The following SEC24A variants were observed in gnomAD, a reference collection of about 807,000 sequenced individuals.
SEC24A encodes protein transport protein Sec24A.
In SEC24A, 93 loss-of-function variants were observed where a neutral mutation model predicts 129.4. The observed-to-expected ratio is 0.72, with a 90% CI of 0.61 to 0.85. The LOEUF is 0.85. Ranked by LOEUF, SEC24A falls within the 40% of genes least tolerant of loss-of-function variation. The pLI, the probability that SEC24A is intolerant of heterozygous loss-of-function variation, is 0.00. For synonymous variants in SEC24A, 460 were observed against 467.3 expected (o/e 0.98, Z 0.20); for missense variants, 1,264 against 1,307.4 (o/e 0.97, Z 0.51).
chr5:134,672,984 C>T (rs1162557305), intron 4 of SEC24A, among the ~76,000 whole-genome samples: 1 of 151,778 alleles, frequency 6.6e-6, no homozygotes, highest in African/African-American at 2.4e-5. Flanking sequence ...TGAAGAGATC[C>T]CTCCTGCCTT....
intron 18 of SEC24A, among the ~76,000 whole-genome samples, chr5:134,712,926 ATTTTTT>A (rs754704811): frequency 1.9e-5 from 2 of 102,744 alleles, no homozygotes; most frequent in Non-Finnish European, 3.6e-5. Context: ...AAATATTTAA[ATTTTTT>A]TTTTTTTTTT....
At chr5:134,682,514 A>G (rs1751311593) in intron 9 of SEC24A, 32 bp downstream of exon 9, 1 of 1,063,578 alleles carries the variant, frequency 9.4e-7, no homozygotes, top group Non-Finnish European at 1.4e-6. Flanking sequence ...CAGTATACCC[A>G]TTTTTTATTA....
Position 134,721,115 on chromosome 5 carries a change from T to G in SEC24A, c.3063+25T>G, listed in dbSNP as rs1021350024. 9 of 1,369,168 alleles carry G rather than the reference T, an allele frequency of 6.6e-6. No homozygotes were observed. The African/African-American group carries it at 1.2e-4, about 18-fold the overall frequency. The allele number at this position is 1,369,168 out of a possible 1,614,324, so 84.8% of individuals were successfully genotyped here. ...GGTAAGACTCTTTTATTATAGTGATTATAAAGGGCATTTCAAAGTTGGCAA... is the reference window on the plus strand; with the variant it reads ...GGTAAGACTCTTTTATTATAGTGATGATAAAGGGCATTTCAAAGTTGGCAA... On this transcript the variant is annotated intron_variant, in intron 21 of 22. Coordinates refer to ENST00000398844, the MANE Select transcript of SEC24A (RefSeq NM_021982.3).
intron 7 of SEC24A, among the ~76,000 whole-genome samples, chr5:134,676,430 G>A (rs867316672): frequency 9.9e-5 from 13 of 130,742 alleles, no homozygotes; most frequent in Admixed American, 6.7e-4. Context: ...GAGCCTCTGC[G>A]CCCGGCTCTT....
chr5:134,650,445 A>G (rs1202371208), intron 1 of SEC24A, among the ~76,000 whole-genome samples: 1 of 152,150 alleles, frequency 6.6e-6, no homozygotes, highest in African/African-American at 2.4e-5. Context: ...TAATATTGAA[A>G]TGTTAAAGGG....
At chr5:134,662,098 G>A (rs1374745083) in intron 2 of SEC24A, among the ~76,000 whole-genome samples, 2 of 151,374 alleles carry the variant, frequency 1.3e-5, no homozygotes, top group African/African-American at 2.4e-5. Context: ...CCCAAAGTGC[G>A]AGGATTACAG....
chr5:134,669,381 G>T (rs1018021975), intron 3 of SEC24A, among the ~76,000 whole-genome samples: 16 of 151,690 alleles, frequency 1.1e-4, no homozygotes, highest in African/African-American at 3.6e-4. Context: ...GGTCAGGCTG[G>T]TCTCGAACTC....
Position 134,718,192 on chromosome 5 carries a change from C to T in SEC24A, c.2970+19C>T. On this transcript the variant is annotated intron_variant, in intron 20 of 22. Coordinates refer to ENST00000398844, the MANE Select transcript of SEC24A (RefSeq NM_021982.3). ...AGGCTCTGTAAGTAATTTGACTTAT[C>T]CTGACCCTCACTGCAAACTACTATA... 6.4e-7 allele frequency: 1 copy of T among 1,552,480 alleles called. No individual in the cohort carries two copies. Among genetic ancestry groups the T allele is most frequent in the Non-Finnish European group, 8.9e-7 (1 of 1,123,644 alleles).
At position 134,664,233 on chromosome 5, in the gene SEC24A, C is replaced by A. The variant is rs1031684084; in HGVS notation, c.566-2590C>A. On this transcript the variant is annotated intron_variant, in intron 2 of 22. Coordinates refer to ENST00000398844, the MANE Select transcript of SEC24A (RefSeq NM_021982.3). Reference sequence around the variant, plus strand: ...ACCTTCAAAGAACCTTCAAATTCCTCATTTTTTTTCTTTTTTCCAACTCAT... The same window carrying A: ...ACCTTCAAAGAACCTTCAAATTCCTAATTTTTTTTCTTTTTTCCAACTCAT... Among the ~76,000 whole-genome samples, 7 of 152,106 alleles carry A rather than the reference C, an allele frequency of 4.6e-5. No individual in the cohort carries two copies. The East Asian group carries it at 1.3e-3, about 29-fold the overall frequency.
chr5:134,665,584 CT>C (rs1439909568), intron 2 of SEC24A, among the ~76,000 whole-genome samples: 1 of 151,874 alleles, frequency 6.6e-6, no homozygotes, highest in Non-Finnish European at 1.5e-5. Flanking sequence ...GAGACAGAGT[CT>C]CGCTCTTGTT....
intron 11 of SEC24A, among the ~76,000 whole-genome samples, chr5:134,688,827 G>A (rs1465914313): frequency 6.6e-6 from 1 of 152,066 alleles, no homozygotes; most frequent in Non-Finnish European, 1.5e-5. Context: ...CAACAGGCAT[G>A]CAACACCATG....
chr5:134,693,765 T>C lies in SEC24A; in HGVS notation c.1818T>C (p.Phe606=), dbSNP rs1561821243. The change falls in exon 13 of 23, where the codon TTT becomes TTC. Residue 606 remains phenylalanine, a synonymous_variant. Transcript: ENST00000398844. ...TACTGAAAACTTTGCCACAAATGTTTACCAAGACTCTGGAGACCCAGAGTG... is the reference window on the plus strand; with the variant it reads ...TACTGAAAACTTTGCCACAAATGTTCACCAAGACTCTGGAGACCCAGAGTG... ...QDLLKTLPQM[F]TKTLETQSAL... 6.2e-7 allele frequency: 1 copy of C among 1,614,176 alleles called. No homozygotes were observed. Among genetic ancestry groups the C allele is most frequent in the Non-Finnish European group, 8.5e-7 (1 of 1,180,006 alleles).
intron 13 of SEC24A, among the ~76,000 whole-genome samples, chr5:134,695,627 A>G (rs1751797392): frequency 6.6e-6 from 1 of 152,046 alleles, no homozygotes; most frequent in Non-Finnish European, 1.5e-5. Context: ...TCTACTAAAA[A>G]TACAAAAATT....
intron 19 of SEC24A, among the ~76,000 whole-genome samples, chr5:134,716,642 AC>A (rs1752483936): frequency 6.6e-6 from 1 of 151,232 alleles, no homozygotes; most frequent in South Asian, 2.1e-4. Context: ...TACTAAAAAT[AC>A]AAAAATTAAC....
Position 134,688,315 on chromosome 5 carries a change from A to T in SEC24A, c.1723+16A>T. ...GATATTGAAGGTATAGATTTATTGA[A>T]CTACTTTCATAATTTTTCAGTTTTA... On this transcript the variant is annotated intron_variant, in intron 11 of 22. Transcript: ENST00000398844. 1 of 1,378,376 alleles carries T rather than the reference A, an allele frequency of 7.3e-7. No individual in the cohort carries two copies. Among genetic ancestry groups the T allele is most frequent in the Non-Finnish European group, 1.0e-6 (1 of 971,564 alleles). The allele number at this position is 1,378,376 out of a possible 1,614,324, so 85.4% of individuals were successfully genotyped here.
In SEC24A at chr5:134,718,402, A is replaced by AT. The variant is rs200655017; in HGVS notation, c.2970+238dup. Among the ~76,000 whole-genome samples, 809 of 151,492 alleles carry AT rather than the reference A, an allele frequency of 5.3e-3. 3 individuals carry two copies. The highest frequency in any genetic ancestry group is 0.031 in the Middle Eastern group (9 of 294). ...CGTATCATTTAGTATTTACTATGCT[A>AT]TTTTTTTTTATTATTGCTTTGGAAT... On this transcript the variant is annotated intron_variant, in intron 20 of 22. Coordinates refer to ENST00000398844, the MANE Select transcript of SEC24A (RefSeq NM_021982.3).
chr5:134,650,921 C>T (rs557950905), intron 1 of SEC24A, among the ~76,000 whole-genome samples: 2 of 151,562 alleles, frequency 1.3e-5, no homozygotes, highest in East Asian at 1.9e-4. Context: ...ATTACAGGCA[C>T]GTGTCACCAC....
chr5:134,652,817 C>T (rs1408827554), intron 1 of SEC24A, among the ~76,000 whole-genome samples: 1 of 151,200 alleles, frequency 6.6e-6, no homozygotes, highest in African/African-American at 2.4e-5. Flanking sequence ...TTTTTTGAGA[C>T]GGAGTCTCAC....
chr5:134,720,551 A>G (rs1752600715), intron 20 of SEC24A, among the ~76,000 whole-genome samples: 1 of 152,178 alleles, frequency 6.6e-6, no homozygotes, highest in Admixed American at 6.5e-5. Flanking sequence ...ACTAATTATT[A>G]TTAATTCAGT....
Sources: allele counts gnomAD v4.1 joint callset (sites outside exome capture counted in the v4.1 genomes callset), GRCh38; gene constraint gnomAD v4.1.1; transcripts MANE v1.5; gene names NCBI Gene and HGNC (gene_info 2026-07-23, HGNC 2026-07-21).